Variants in SORCS2 observed in about 807,000 individuals in gnomAD.
SORCS2 encodes the protein VPS10 domain-containing receptor SorCS2.
In SORCS2, 100 loss-of-function variants were observed where a neutral mutation model predicts 141.6. The observed-to-expected ratio is 0.71, with a 90% CI of 0.60 to 0.83. The LOEUF (loss-of-function observed/expected upper bound fraction) is 0.83, where lower values mean the gene tolerates loss of function less well. Ranked by LOEUF, SORCS2 falls within the 40% of genes least tolerant of loss-of-function variation. The probability of loss-of-function intolerance (pLI) is 0.00; values close to 1 mark genes in which losing one functional copy is unlikely to be tolerated. For synonymous variants in SORCS2, 789 were observed against 676.9 expected, an observed-to-expected ratio of 1.17 and a Z score of -2.57; for missense variants, 1,646 against 1,560.2, an observed-to-expected ratio of 1.05 and a Z score of -0.93.
At chr4:7,246,277 C>T (rs1333932282) in intron 1 of SORCS2, among the ~76,000 whole-genome samples, 2 of 152,240 alleles carry the variant, frequency 1.3e-5, no homozygotes, top group Non-Finnish European at 2.9e-5. Context: ...AAGGAACCCC[C>T]ATCCACCTGT....
At chr4:7,232,846 G>A (rs1711993100) in intron 1 of SORCS2, among the ~76,000 whole-genome samples, 1 of 152,340 alleles carries the variant, frequency 6.6e-6, no homozygotes, top group African/African-American at 2.4e-5. Flanking sequence ...TCATGTGTCA[G>A]CCTCTGGGGG....
At chr4:7,333,709 C>G (rs1719806929) in intron 1 of SORCS2, among the ~76,000 whole-genome samples, 1 of 152,206 alleles carries the variant, frequency 6.6e-6, no homozygotes, top group Non-Finnish European at 1.5e-5. Flanking sequence ...CCACAGGTTC[C>G]AAGCCTGTTA....
chr4:7,453,962 C>T (rs1304544618), intron 2 of SORCS2, among the ~76,000 whole-genome samples: 1 of 88,216 alleles, frequency 1.1e-5, no homozygotes, highest in Non-Finnish European at 2.3e-5. Flanking sequence ...GTGTTGGGGT[C>T]AGGTGCTGTG....
chr4:7,457,557 C>T (rs1728995836), intron 2 of SORCS2, among the ~76,000 whole-genome samples: 1 of 150,292 alleles, frequency 6.7e-6, no homozygotes, highest in South Asian at 2.1e-4. Flanking sequence ...CATCACAAAG[C>T]TGACAGGTGT....
At chr4:7,513,852 T>A (rs1023219103) in intron 2 of SORCS2, among the ~76,000 whole-genome samples, 1 of 152,204 alleles carries the variant, frequency 6.6e-6, no homozygotes, top group Non-Finnish European at 1.5e-5. Flanking sequence ...TCTGCCAATT[T>A]CCCCGCCTTT....
rs527513195 is a variant in SORCS2, at chr4:7,678,627, C to T, written c.1341+2398C>T. On this transcript the variant is annotated intron_variant, in intron 9 of 26. Transcript: ENST00000507866. ...AGCCAGGTGAGGAAGGAGCTCAGAG[C>T]CACACACACAGGCCTCAAGGTGAGA... Among the ~76,000 whole-genome samples the T allele has an allele frequency of 1.6e-4, 24 of 150,618 alleles. No homozygotes were observed. In the South Asian group the frequency reaches 2.9e-3, roughly 19 times the overall value.
chr4:7,685,894 C>G (rs1723844658), intron 10 of SORCS2, among the ~76,000 whole-genome samples: 1 of 152,042 alleles, frequency 6.6e-6, no homozygotes, highest in African/African-American at 2.4e-5. Flanking sequence ...AAAAGTGATG[C>G]CTGATTATTG....
intron 2 of SORCS2, among the ~76,000 whole-genome samples, chr4:7,473,254 G>A (rs1451192227): frequency 6.6e-6 from 1 of 152,178 alleles, no homozygotes; most frequent in East Asian, 1.9e-4. Context: ...GCAGCCGGGA[G>A]CCTGCGGGGT....
Position 7,433,830 on chromosome 4 carries a change from A to T in SORCS2, c.548+37475A>T, listed in dbSNP as rs750071382. On this transcript the variant is annotated intron_variant, in intron 2 of 26. Transcript: ENST00000507866. ...CCTTCTCTGGGGTGATTTTGGCCAC[A>T]AGCTGCACCAAGGAGGGGCTGTAGG... 9 of 1,613,840 alleles carry T rather than the reference A, an allele frequency of 5.6e-6. No individual in the cohort carries two copies. The South Asian group carries it at 9.9e-5, about 18-fold the overall frequency.
chr4:7,582,916 T>C (rs1172075540), intron 3 of SORCS2, among the ~76,000 whole-genome samples: 1 of 152,206 alleles, frequency 6.6e-6, no homozygotes, highest in Non-Finnish European at 1.5e-5. Flanking sequence ...GATTGGCTTC[T>C]CTTGGGTCAG....
At chr4:7,311,377 A>G (rs1290718588) in intron 1 of SORCS2, among the ~76,000 whole-genome samples, 1 of 151,954 alleles carries the variant, frequency 6.6e-6, no homozygotes, top group Non-Finnish European at 1.5e-5. Flanking sequence ...TGCTGCCAAC[A>G]CTCCTATACG....
chr4:7,272,142 C>G (rs1715183756), intron 1 of SORCS2, among the ~76,000 whole-genome samples: 1 of 152,162 alleles, frequency 6.6e-6, no homozygotes, highest in Non-Finnish European at 1.5e-5. Context: ...TTTCTTACCT[C>G]TAGTGCAAAT....
At chr4:7,259,328 G>A (rs1473065109) in intron 1 of SORCS2, among the ~76,000 whole-genome samples, 4 of 152,194 alleles carry the variant, frequency 2.6e-5, no homozygotes, top group African/African-American at 9.7e-5. Context: ...TTCCATGACT[G>A]GGGGATTTGA....
intron 1 of SORCS2, among the ~76,000 whole-genome samples, chr4:7,262,375 TATCCATCCATCCATCCATCC>T (rs61111993): frequency 0.063 from 8,617 of 137,108 alleles, 776 homozygotes; most frequent in African/African-American, 0.21. Context: ...CCTATCCATC[TATCCATCCATCCATCCATCC>T]ATCCATCCAT....
intron 1 of SORCS2, among the ~76,000 whole-genome samples, chr4:7,336,385 C>T (rs1719990744): frequency 6.6e-6 from 1 of 152,170 alleles, no homozygotes; most frequent in Non-Finnish European, 1.5e-5. Context: ...CCCCCAACTC[C>T]CCGGAGGCCC....
chr4:7,323,845 G>T (rs1445124037), intron 1 of SORCS2, among the ~76,000 whole-genome samples: 2 of 151,666 alleles, frequency 1.3e-5, no homozygotes, highest in African/African-American at 4.8e-5. Context: ...CTTATTCCAA[G>T]CCCCTGGAGA....
intron 2 of SORCS2, among the ~76,000 whole-genome samples, chr4:7,497,407 T>C (rs12641195): frequency 0.89 from 135,894 of 152,032 alleles, 60,927 homozygotes; most frequent in South Asian, 0.97. Flanking sequence ...TAAATCCAAG[T>C]CCCCTCCCAA....
At chr4:7,326,921 C>T (rs990823932) in intron 1 of SORCS2, among the ~76,000 whole-genome samples, 2 of 152,052 alleles carry the variant, frequency 1.3e-5, no homozygotes, top group Admixed American at 6.5e-5. Flanking sequence ...GGGCAGGCAG[C>T]GGGCAGTCAG....
chr4:7,332,392 CCA>C (rs1310673871), intron 1 of SORCS2, among the ~76,000 whole-genome samples: 1 of 152,228 alleles, frequency 6.6e-6, no homozygotes, highest in Non-Finnish European at 1.5e-5. Context: ...TGGGTGTTCT[CCA>C]GATAGGAATG....
Sources: allele counts gnomAD v4.1 joint callset (sites outside exome capture counted in the v4.1 genomes callset), GRCh38; gene constraint gnomAD v4.1.1; transcripts MANE v1.5; gene names NCBI Gene and HGNC (gene_info 2026-07-23, HGNC 2026-07-21).